Variants in SUGCT observed in about 807,000 individuals in gnomAD.
SUGCT encodes succinyl-CoA:glutarate CoA-transferase.
SUGCT carries 41 observed loss-of-function variants against 55.0 expected under a neutral mutation model. That is an observed-to-expected ratio of 0.74 (90% CI 0.58 to 0.97). The LOEUF (loss-of-function observed/expected upper bound fraction) is 0.97. SUGCT is among the 50% of genes least tolerant of loss of function. SUGCT has a pLI of 0.00. For missense variants in SUGCT, 568 were observed against 547.8 expected (o/e 1.04, Z -0.37); for synonymous variants, 187 against 200.4 (o/e 0.93, Z 0.56).
chr7:40,295,946 C>T (rs886479471), intron 8 of SUGCT, among the ~76,000 whole-genome samples: 31 of 152,100 alleles, frequency 2.0e-4, no homozygotes, highest in Admixed American at 2.0e-4. Context: ...TTTACTTTGC[C>T]ATGTGTAGGG....
In SUGCT at chr7:40,423,269, C is replaced by T. The variant is rs147336329; in HGVS notation, c.817-26018C>T. 4.9e-4 allele frequency among the ~76,000 whole-genome samples: 74 copies of T among 152,190 alleles called. 1 individual carries two copies. The East Asian group carries it at 9.7e-3, about 20-fold the overall frequency. On this transcript the variant is annotated intron_variant, in intron 9 of 13. Transcript: ENST00000335693. ...CACCCTTTTAGGAATAGCTGGACTTCCAAATACTGTGATTAGTGTCTGTGG... is the reference window on the plus strand; with the variant it reads ...CACCCTTTTAGGAATAGCTGGACTTTCAAATACTGTGATTAGTGTCTGTGG...
intron 9 of SUGCT, among the ~76,000 whole-genome samples, chr7:40,428,686 G>T (rs905877511): frequency 3.3e-5 from 5 of 152,064 alleles, no homozygotes; most frequent in Non-Finnish European, 5.9e-5. Flanking sequence ...TTTATACTGT[G>T]TATCCATTAA....
At chr7:40,638,791 C>T (rs1406699746) in intron 12 of SUGCT, among the ~76,000 whole-genome samples, 1 of 151,982 alleles carries the variant, frequency 6.6e-6, no homozygotes, top group Admixed American at 6.6e-5. Flanking sequence ...ATAAACAGGT[C>T]ATGACTGGGT....
intron 12 of SUGCT, among the ~76,000 whole-genome samples, chr7:40,713,806 A>ACCCTCTCCTGT (rs1226114999): frequency 6.6e-6 from 1 of 152,000 alleles, no homozygotes; most frequent in Non-Finnish European, 1.5e-5. Flanking sequence ...TCCAGTCCCT[A>ACCCTCTCCTGT]CCCTCTCCTG....
At chr7:40,336,038 G>C (rs1796679574) in intron 9 of SUGCT, among the ~76,000 whole-genome samples, 1 of 151,946 alleles carries the variant, frequency 6.6e-6, no homozygotes, top group Non-Finnish European at 1.5e-5. Flanking sequence ...CTGTTTATAT[G>C]CTGGATTACG....
intron 12 of SUGCT, among the ~76,000 whole-genome samples, chr7:40,588,828 A>G (rs1377517746): frequency 6.6e-6 from 1 of 152,214 alleles, no homozygotes; most frequent in Non-Finnish European, 1.5e-5. Context: ...TTTGAAGGCT[A>G]TAAAGCACTT....
At chr7:40,920,073 A>G in the SUGCT span, among the ~76,000 whole-genome samples, 2 of 150,746 alleles carry the variant, frequency 1.3e-5, no homozygotes, top group East Asian at 2.0e-4. Flanking sequence ...TTTCTTGACT[A>G]CCTTCTTCCA....
At chr7:40,863,473 C>A (rs1794529554), downstream of SUGCT, among the ~76,000 whole-genome samples, 1 of 152,124 alleles carries the variant, frequency 6.6e-6, no homozygotes, top group South Asian at 2.1e-4. Flanking sequence ...CTCAATGTTT[C>A]ATTCATACGT....
At chr7:40,754,008 TAAAG>T (rs925674005) in intron 13 of SUGCT, among the ~76,000 whole-genome samples, 4 of 152,126 alleles carry the variant, frequency 2.6e-5, no homozygotes, top group Admixed American at 2.6e-4. Flanking sequence ...CAAACTATAA[TAAAG>T]AGTTAGGAAA....
chr7:40,612,015 T>C (rs1798788836), intron 12 of SUGCT, among the ~76,000 whole-genome samples: 1 of 151,652 alleles, frequency 6.6e-6, no homozygotes, highest in African/African-American at 2.4e-5. Context: ...CCCCCCCCTT[T>C]TTTTTTTTAC....
At chr7:40,601,972 A>G (rs1798314233) in intron 12 of SUGCT, among the ~76,000 whole-genome samples, 1 of 152,144 alleles carries the variant, frequency 6.6e-6, no homozygotes, top group Admixed American at 6.5e-5. Flanking sequence ...TTTCATTTAG[A>G]AATAGTTTCT....
chr7:40,924,846 G>T, the SUGCT span, among the ~76,000 whole-genome samples: 1 of 152,292 alleles, frequency 6.6e-6, no homozygotes, highest in South Asian at 2.1e-4. Context: ...AAGTCAAGGT[G>T]AACTTTCTTC....
chr7:40,284,945 C>T (rs1405889783), intron 8 of SUGCT, among the ~76,000 whole-genome samples: 1 of 152,142 alleles, frequency 6.6e-6, no homozygotes, highest in Non-Finnish European at 1.5e-5. Context: ...GAATTGGGAA[C>T]ATGCTCTGGT....
intron 13 of SUGCT, among the ~76,000 whole-genome samples, chr7:40,856,561 C>T (rs528631720): frequency 2.0e-5 from 3 of 151,186 alleles, no homozygotes; most frequent in African/African-American, 7.4e-5. Context: ...AAGCAATGAG[C>T]AGACAGAAAA....
downstream of SUGCT, among the ~76,000 whole-genome samples, chr7:40,862,731 G>GTTTTT (rs200059575): frequency 2.2e-5 from 3 of 134,340 alleles, no homozygotes; most frequent in African/African-American, 8.4e-5. Context: ...TCTTTTTCTT[G>GTTTTT]TTTTTTTTTT....
At chr7:40,907,485 T>C in the SUGCT span, among the ~76,000 whole-genome samples, 1 of 152,228 alleles carries the variant, frequency 6.6e-6, no homozygotes, top group Non-Finnish European at 1.5e-5. Context: ...GCTAGCCTTG[T>C]AAAGCAGTGC....
At chr7:40,212,558 G>A (rs1787402550) in intron 6 of SUGCT, among the ~76,000 whole-genome samples, 1 of 151,838 alleles carries the variant, frequency 6.6e-6, no homozygotes, top group South Asian at 2.1e-4. Flanking sequence ...TGTTTGAGAT[G>A]GAGTCTTGCT....
chr7:41,010,971 C>A, the SUGCT span, among the ~76,000 whole-genome samples: 8 of 152,180 alleles, frequency 5.3e-5, no homozygotes, highest in East Asian at 1.5e-3. Flanking sequence ...GGTTAAAAAA[C>A]AAACAAACAA....
chr7:41,007,223 G>C, the SUGCT span, among the ~76,000 whole-genome samples: 1 of 151,964 alleles, frequency 6.6e-6, no homozygotes, highest in Non-Finnish European at 1.5e-5. Context: ...CAAAAACAAA[G>C]GATGGGTCTC....
Sources: gnomAD v4.1 joint callset for allele counts (sites outside exome capture counted in the v4.1 genomes callset) on GRCh38, gnomAD v4.1.1 for gene constraint, MANE v1.5 for transcripts, NCBI Gene and HGNC (gene_info 2026-07-23, HGNC 2026-07-21) for gene names.